Variants in FRYL observed in about 807,000 individuals in gnomAD.
FRYL encodes the protein FRY like transcription coactivator.
In FRYL, 150 loss-of-function variants were observed where a neutral mutation model predicts 351.2. That is an observed-to-expected ratio of 0.43 (90% CI 0.37 to 0.49). The LOEUF is 0.49. Among genes scored for constraint, FRYL ranks in the 20% least tolerant of loss-of-function variants. FRYL has a pLI of 0.00. For missense variants in FRYL, 3,036 were observed against 3,619.3 expected (o/e 0.84, Z 4.13); for synonymous variants, 1,153 against 1,257.1 (o/e 0.92, Z 1.75).
chr4:48,770,741 G>A (rs1366022011), intron 1 of FRYL, among the ~76,000 whole-genome samples: 1 of 152,084 alleles, frequency 6.6e-6, no homozygotes, highest in Non-Finnish European at 1.5e-5. Context: ...CCGGGTTAAT[G>A]TCTTATTATG....
chr4:48,677,356 G>A (rs1763875498), intron 3 of FRYL, among the ~76,000 whole-genome samples: 1 of 151,792 alleles, frequency 6.6e-6, no homozygotes, highest in Non-Finnish European at 1.5e-5. Context: ...TGTCAGTACA[G>A]ATTACAATCT....
chr4:48,619,890 T>C (rs1050301924), intron 6 of FRYL, among the ~76,000 whole-genome samples: 2 of 152,256 alleles, frequency 1.3e-5, no homozygotes, highest in African/African-American at 4.8e-5. Flanking sequence ...TTCACTATTA[T>C]ATCTGTTAGC....
At chr4:48,618,722 C>T (rs2149315685) in intron 7 of FRYL, 1 of 152,254 alleles carries the variant, frequency 6.6e-6, no homozygotes, top group Non-Finnish European at 1.5e-5. Context: ...CATTCAAGTG[C>T]AAGCTCATGA....
chr4:48,589,220 CA>C (rs1742754946), intron 18 of FRYL, among the ~76,000 whole-genome samples: 1 of 151,858 alleles, frequency 6.6e-6, no homozygotes, highest in African/African-American at 2.4e-5. Flanking sequence ...AAGTCCCTAA[CA>C]ATAAGAAAAA....
chr4:48,718,966 C>G (rs2149605713), intron 1 of FRYL, among the ~76,000 whole-genome samples: 1 of 151,448 alleles, frequency 6.6e-6, no homozygotes, highest in South Asian at 2.1e-4. Context: ...AACTATCAGC[C>G]ATTTGCACTC....
chr4:48,612,642 G>C (rs750332503), intron 7 of FRYL, among the ~76,000 whole-genome samples: 1 of 152,086 alleles, frequency 6.6e-6, no homozygotes, highest in Admixed American at 6.6e-5. Flanking sequence ...GCAGTGGCAC[G>C]ATCTCTGCTC....
At chr4:48,670,453 C>CATATAT (rs1297817949) in intron 3 of FRYL, among the ~76,000 whole-genome samples, 1 of 149,720 alleles carries the variant, frequency 6.7e-6, no homozygotes, top group Non-Finnish European at 1.5e-5. Flanking sequence ...TATACATATA[C>CATATAT]ATATATATAT....
chr4:48,674,094 A>C (rs997500582), intron 3 of FRYL, among the ~76,000 whole-genome samples: 1 of 152,220 alleles, frequency 6.6e-6, no homozygotes, highest in Admixed American at 6.5e-5. Context: ...TTTTTGTTAC[A>C]TTAACCCTTA....
intron 44 of FRYL, among the ~76,000 whole-genome samples, 193 bp from the exon 45 acceptor site, chr4:48,542,314 C>T (rs530970760): frequency 5.9e-5 from 9 of 152,328 alleles, no homozygotes; most frequent in Admixed American, 1.3e-4. Flanking sequence ...TGTAATGGTG[C>T]CACAATTTAC....
intron 2 of FRYL, among the ~76,000 whole-genome samples, chr4:48,699,737 C>T (rs962597548): frequency 5.3e-5 from 8 of 152,002 alleles, no homozygotes; most frequent in Non-Finnish European, 1.0e-4. Context: ...CTTCTGGGTC[C>T]CTACATGCCT....
chr4:48,758,745 G>T (rs1774087795), intron 1 of FRYL, among the ~76,000 whole-genome samples: 1 of 152,178 alleles, frequency 6.6e-6, no homozygotes, highest in Admixed American at 6.5e-5. Context: ...ATACCCAAAG[G>T]ATTATAAATC....
At chr4:48,534,174 C>T (rs750685825) in intron 49 of FRYL, among the ~76,000 whole-genome samples, 19 of 152,200 alleles carry the variant, frequency 1.2e-4, no homozygotes, top group African/African-American at 2.4e-4. Flanking sequence ...TGCAGTGAGC[C>T]GAGACTGCGC....
chr4:48,511,406 TAA>T (rs971244174), intron 57 of FRYL, among the ~76,000 whole-genome samples: 1 of 152,176 alleles, frequency 6.6e-6, no homozygotes, highest in African/African-American at 2.4e-5. Context: ...TAACTTTAGG[TAA>T]AGTCATAAAA....
chr4:48,696,675 C>T (rs1156293891), intron 2 of FRYL, among the ~76,000 whole-genome samples: 1 of 151,962 alleles, frequency 6.6e-6, no homozygotes, highest in African/African-American at 2.4e-5. Context: ...GCACTTGTAT[C>T]CCGGAACTTA....
intron 1 of FRYL, among the ~76,000 whole-genome samples, chr4:48,727,163 A>C (rs1289141453): frequency 6.6e-6 from 1 of 152,164 alleles, no homozygotes; most frequent in African/African-American, 2.4e-5. Context: ...GGATGCACTA[A>C]AACTTATAAT....
rs772489342 is a variant in FRYL, at chr4:48,499,578, G to A, written c.8886C>T (p.Ser2962=). The change falls in exon 64 of 64, where the codon AGC becomes AGT. Residue 2962 remains serine (S), a synonymous_variant. Transcript: ENST00000358350. The part of the protein sequence containing the change: ...FHHQTLGQTG[S]FAVIGSNLDM... ...CCAGGTTAGAGCCTATAACTGCAAA[G>A]CTTCCTGTCTGGCCCAGCGTCTGAT... The A allele has an allele frequency of 6.8e-6, 11 of 1,613,980 alleles. No individual in the cohort carries two copies. In the East Asian group the frequency reaches 2.0e-4, roughly 29 times the overall value.
intron 3 of FRYL, among the ~76,000 whole-genome samples, chr4:48,650,940 G>A (rs959646472): frequency 2.0e-5 from 3 of 152,150 alleles, no homozygotes; most frequent in African/African-American, 4.8e-5. Flanking sequence ...GGTGAAAGAG[G>A]CGTGGTAACC....
chr4:48,532,284 T>C (rs1727836499), intron 49 of FRYL, among the ~76,000 whole-genome samples: 1 of 152,198 alleles, frequency 6.6e-6, no homozygotes, highest in African/African-American at 2.4e-5. Flanking sequence ...CATCTTGCTA[T>C]GAAGACACCT....
chr4:48,582,759 C>T, intron 19 of FRYL, 25 bp from the exon 20 acceptor site: 4 of 1,488,768 alleles, frequency 2.7e-6, no homozygotes, highest in South Asian at 2.3e-5. Flanking sequence ...ATTCCATTAG[C>T]AAACTTCAAT....
Sources: gnomAD v4.1 joint callset for allele counts (sites outside exome capture counted in the v4.1 genomes callset) on GRCh38, gnomAD v4.1.1 for gene constraint, MANE v1.5 for transcripts, NCBI Gene and HGNC (gene_info 2026-07-23, HGNC 2026-07-21) for gene names.